Variants in TYR observed in about 807,000 individuals in gnomAD.
The protein encoded by TYR is LB24-AB.
In TYR, 58 loss-of-function variants were observed where a neutral mutation model predicts 51.5. That is an observed-to-expected ratio of 1.13 (90% CI 0.91 to 1.40). The LOEUF is 1.40. TYR is among the 40% of genes most tolerant of loss of function. The pLI, the probability that TYR is intolerant of heterozygous loss-of-function variation, is 0.00. For missense variants in TYR, 732 were observed against 647.4 expected (o/e 1.13, Z -1.42); for synonymous variants, 263 against 235.2 (o/e 1.12, Z -1.08).
chr11:89,204,428 G>A (rs1322035176), intron 2 of TYR, among the ~76,000 whole-genome samples: 4 of 150,932 alleles, frequency 2.7e-5, no homozygotes, highest in Admixed American at 2.0e-4. Context: ...AGTCTTTGCT[G>A]TGTTGTCCAG....
intron 1 of TYR, among the ~76,000 whole-genome samples, chr11:89,183,358 C>T (rs1943326586): frequency 6.6e-6 from 1 of 152,070 alleles, no homozygotes; most frequent in South Asian, 2.1e-4. Flanking sequence ...AATTCTACCC[C>T]TGCCATTTAG....
intron 2 of TYR, among the ~76,000 whole-genome samples, chr11:89,201,686 A>C (rs1428995070): frequency 8.5e-5 from 13 of 152,228 alleles, no homozygotes; most frequent in Non-Finnish European, 1.9e-4. Context: ...TTGCACCATC[A>C]GTGCAAATGT....
intron 3 of TYR, among the ~76,000 whole-genome samples, chr11:89,276,198 G>T (rs1447666191): frequency 6.6e-6 from 1 of 151,764 alleles, no homozygotes; most frequent in Non-Finnish European, 1.5e-5. Flanking sequence ...ATTTGGATTT[G>T]TTCCCTCACA....
chr11:89,188,275 T>C (rs1158654751), intron 1 of TYR, among the ~76,000 whole-genome samples: 1 of 151,904 alleles, frequency 6.6e-6, no homozygotes, highest in Non-Finnish European at 1.5e-5. Flanking sequence ...GTAAACTCTA[T>C]AAAAATAAAA....
At chr11:89,253,111 A>T (rs535488459) in intron 3 of TYR, among the ~76,000 whole-genome samples, 1 of 151,784 alleles carries the variant, frequency 6.6e-6, no homozygotes, top group Admixed American at 6.6e-5. Context: ...CTGGATTAGA[A>T]TTTCTCTTAA....
intron 3 of TYR, among the ~76,000 whole-genome samples, chr11:89,278,588 CT>C (rs1944685247): frequency 6.6e-6 from 1 of 151,194 alleles, no homozygotes; most frequent in Non-Finnish European, 1.5e-5. Flanking sequence ...CTTGTTTGTT[CT>C]TTTTTTAAGT....
intron 3 of TYR, among the ~76,000 whole-genome samples, chr11:89,239,753 T>C (rs61555055): frequency 0.018 from 2,791 of 152,226 alleles, 74 homozygotes; most frequent in African/African-American, 0.064. Flanking sequence ...CATTTTCTCT[T>C]CTCTAAAGGT....
At chr11:89,204,669 A>T (rs1943648737) in intron 2 of TYR, among the ~76,000 whole-genome samples, 1 of 152,120 alleles carries the variant, frequency 6.6e-6, no homozygotes, top group Admixed American at 6.6e-5. Flanking sequence ...AAGTACTGGG[A>T]TTACAGGTGT....
At chr11:89,228,507 T>C (rs1282925236) in intron 3 of TYR, among the ~76,000 whole-genome samples, 2 of 152,200 alleles carry the variant, frequency 1.3e-5, no homozygotes, top group South Asian at 2.1e-4. Flanking sequence ...AGAACTGCTA[T>C]AGGAATTTAA....
intron 2 of TYR, among the ~76,000 whole-genome samples, chr11:89,207,901 T>A (rs1272973076): frequency 6.6e-6 from 1 of 152,218 alleles, no homozygotes; most frequent in Non-Finnish European, 1.5e-5. Context: ...TGAGGGAAAT[T>A]GAATAAGGAG....
At chr11:89,284,985 T>C (rs1332845325) in intron 4 of TYR, 31 bp downstream of exon 4, 1 of 1,577,912 alleles carries the variant, frequency 6.3e-7, no homozygotes, top group Admixed American at 1.7e-5. Flanking sequence ...GAGGAATTGC[T>C]GAATCTAGTG....
intron 3 of TYR, among the ~76,000 whole-genome samples, chr11:89,235,698 A>G (rs1160186333): frequency 1.1e-4 from 16 of 151,908 alleles, no homozygotes; most frequent in Non-Finnish European, 2.1e-4. Context: ...AATAGGGTCA[A>G]TGAAAATGTT....
chr11:89,187,462 A>G (rs1180030216), intron 1 of TYR, among the ~76,000 whole-genome samples: 1 of 152,110 alleles, frequency 6.6e-6, no homozygotes, highest in African/African-American at 2.4e-5. Context: ...GGATAATTGG[A>G]TTTTATAATA....
chr11:89,268,409 A>T (rs1286792731), intron 3 of TYR, among the ~76,000 whole-genome samples: 1 of 151,906 alleles, frequency 6.6e-6, no homozygotes, highest in Non-Finnish European at 1.5e-5. Context: ...TTATTCTAAG[A>T]GCCTCAGAAG....
intron 2 of TYR, among the ~76,000 whole-genome samples, chr11:89,212,677 C>T (rs769661266): frequency 3.3e-5 from 5 of 152,196 alleles, no homozygotes; most frequent in East Asian, 1.9e-4. Context: ...AACATCGATG[C>T]GAAAATCCTC....
At chr11:89,188,087 G>C (rs1943399999) in intron 1 of TYR, among the ~76,000 whole-genome samples, 1 of 148,724 alleles carries the variant, frequency 6.7e-6, no homozygotes, top group African/African-American at 2.5e-5. Flanking sequence ...AATATAATAA[G>C]TTATATATAT....
intron 3 of TYR, among the ~76,000 whole-genome samples, chr11:89,228,997 T>C (rs1944009158): frequency 6.6e-6 from 1 of 151,912 alleles, no homozygotes; most frequent in Non-Finnish European, 1.5e-5. Flanking sequence ...GATTTATACC[T>C]GCCATTAAGA....
At chr11:89,246,103 C>T (rs1325496437) in intron 3 of TYR, among the ~76,000 whole-genome samples, 1 of 152,050 alleles carries the variant, frequency 6.6e-6, no homozygotes, top group Admixed American at 6.6e-5. Flanking sequence ...CCTGACTGGA[C>T]AGGCACTAGC....
At chr11:89,274,307 T>A (rs1006780540) in intron 3 of TYR, among the ~76,000 whole-genome samples, 4 of 151,940 alleles carry the variant, frequency 2.6e-5, no homozygotes, top group African/African-American at 9.7e-5. Flanking sequence ...AATTCACAAA[T>A]AGCAAAAATT....
Sources: gnomAD v4.1 joint callset for allele counts (sites outside exome capture counted in the v4.1 genomes callset) on GRCh38, gnomAD v4.1.1 for gene constraint, MANE v1.5 for transcripts, NCBI Gene and HGNC (gene_info 2026-07-23, HGNC 2026-07-21) for gene names.